Variants in SRBD1 observed in about 807,000 individuals in gnomAD.
SRBD1 encodes the protein S1 RNA-binding domain-containing protein 1.
Under a neutral mutation model 115.3 loss-of-function variants are expected in SRBD1, and 88 were observed. The observed-to-expected ratio is 0.76, with a 90% CI of 0.64 to 0.91. The LOEUF is 0.91. SRBD1 is among the 40% of genes least tolerant of loss of function. The pLI is 0.00. For missense variants in SRBD1, 1,385 were observed against 1,177.4 expected (o/e 1.18, Z -2.58); for synonymous variants, 509 against 407.7 (o/e 1.25, Z -2.99).
chr2:45,423,591 T>C (rs751890204), intron 16 of SRBD1, among the ~76,000 whole-genome samples: 2 of 152,040 alleles, frequency 1.3e-5, no homozygotes, highest in African/African-American at 2.4e-5. Flanking sequence ...TTCAGAACCA[T>C]ACAGTTTCAT....
At chr2:45,585,478 T>C in intron 5 of SRBD1, 130 bp downstream of exon 5, 1 of 978,430 alleles carries the variant, frequency 1.0e-6, no homozygotes, top group Non-Finnish European at 1.5e-6. Flanking sequence ...TAAAGAGGAC[T>C]ATATCCAGAT....
intron 16 of SRBD1, among the ~76,000 whole-genome samples, chr2:45,442,624 G>T (rs1005125675): frequency 6.6e-6 from 1 of 152,214 alleles, no homozygotes; most frequent in African/African-American, 2.4e-5. Flanking sequence ...GGTCCTTAAA[G>T]AAACAGCTAT....
chr2:45,467,234 A>G (rs1488095845), intron 16 of SRBD1, among the ~76,000 whole-genome samples: 3 of 152,218 alleles, frequency 2.0e-5, no homozygotes, highest in East Asian at 3.8e-4. Flanking sequence ...TTTGAATTAC[A>G]TGTGAATTTT....
intron 16 of SRBD1, among the ~76,000 whole-genome samples, chr2:45,420,900 C>T (rs948955286): frequency 2.6e-5 from 4 of 152,130 alleles, no homozygotes; most frequent in South Asian, 2.1e-4. Context: ...TTCTAGGGTA[C>T]ATGTGCACAA....
At chr2:45,552,196 G>A (rs1232840611) in intron 11 of SRBD1, among the ~76,000 whole-genome samples, 1 of 152,154 alleles carries the variant, frequency 6.6e-6, no homozygotes, top group African/African-American at 2.4e-5. Flanking sequence ...TTAAGTGACT[G>A]CAAAATAAAA....
chr2:45,479,259 A>G (rs1470572465), intron 15 of SRBD1, among the ~76,000 whole-genome samples: 1 of 152,182 alleles, frequency 6.6e-6, no homozygotes, highest in African/African-American at 2.4e-5. Flanking sequence ...TTCAAGTAAA[A>G]GGAAGAGTCG....
Position 45,607,348 on chromosome 2 carries a change from A to G in SRBD1, c.1-1907T>C, listed in dbSNP as rs576979377. 2.2e-3 allele frequency among the ~76,000 whole-genome samples: 332 copies of G among 152,302 alleles called. 3 individuals are homozygous for G. Among genetic ancestry groups the G allele is most frequent in the Non-Finnish European group, 3.2e-3 (217 of 68,036 alleles). On this transcript the variant is annotated intron_variant, in intron 1 of 20. Transcript: ENST00000263736. ...CAACTAGCTATTCCTCTAGAAGAAA[A>G]AAAGGAGTTTAATTCCTACCTCCAC...
intron 14 of SRBD1, among the ~76,000 whole-genome samples, chr2:45,516,739 T>C (rs1339387868): frequency 6.6e-6 from 1 of 152,166 alleles, no homozygotes; most frequent in Non-Finnish European, 1.5e-5. Flanking sequence ...TATTGCTTTT[T>C]AAAAAAAGCT....
At chr2:45,548,056 T>G (rs1173355243) in intron 12 of SRBD1, among the ~76,000 whole-genome samples, 1 of 151,678 alleles carries the variant, frequency 6.6e-6, no homozygotes, top group Non-Finnish European at 1.5e-5. Context: ...AAAAATATTT[T>G]TTATTGAAAA....
At chr2:45,480,988 A>G (rs189513336) in intron 15 of SRBD1, among the ~76,000 whole-genome samples, 80 of 152,316 alleles carry the variant, frequency 5.3e-4, no homozygotes, top group Admixed American at 5.2e-3. Flanking sequence ...AGAAACTGCC[A>G]CCACATCTCA....
intron 16 of SRBD1, among the ~76,000 whole-genome samples, chr2:45,431,878 C>T (rs1668348739): frequency 6.6e-6 from 1 of 152,158 alleles, no homozygotes; most frequent in Non-Finnish European, 1.5e-5. Flanking sequence ...GTTTTAAAAA[C>T]TCTTCTAGCA....
chr2:45,479,658 T>C (rs556460295), intron 15 of SRBD1, among the ~76,000 whole-genome samples: 1 of 152,262 alleles, frequency 6.6e-6, no homozygotes, highest in East Asian at 1.9e-4. Flanking sequence ...CTTCCTAACA[T>C]AAAAGTACAA....
intron 16 of SRBD1, among the ~76,000 whole-genome samples, chr2:45,433,375 G>C (rs1050315667): frequency 2.6e-5 from 4 of 151,958 alleles, no homozygotes; most frequent in African/African-American, 9.7e-5. Flanking sequence ...ACGTCATGCT[G>C]TATGTGACAA....
chr2:45,600,920 TG>T (rs1674072036), intron 3 of SRBD1, among the ~76,000 whole-genome samples: 1 of 152,172 alleles, frequency 6.6e-6, no homozygotes, highest in Non-Finnish European at 1.5e-5. Flanking sequence ...TCCACCTGAA[TG>T]CCAACCTGCC....
intron 16 of SRBD1, among the ~76,000 whole-genome samples, chr2:45,432,392 A>G (rs1037574295): frequency 6.6e-6 from 1 of 152,210 alleles, no homozygotes; most frequent in Non-Finnish European, 1.5e-5. Flanking sequence ...ACAAAATCCC[A>G]TACTGTTTCC....
At chr2:45,598,442 G>A (rs1001660524) in intron 4 of SRBD1, among the ~76,000 whole-genome samples, 1 of 151,894 alleles carries the variant, frequency 6.6e-6, no homozygotes, top group South Asian at 2.1e-4. Flanking sequence ...GTGAAACCCT[G>A]TCTCTACTAA....
At chr2:45,584,962 C>CCAA (rs1206880205) in intron 5 of SRBD1, among the ~76,000 whole-genome samples, 1 of 152,080 alleles carries the variant, frequency 6.6e-6, no homozygotes, top group African/African-American at 2.4e-5. Flanking sequence ...ATCAGCCTGG[C>CCAA]CAACATGGCA....
intron 14 of SRBD1, among the ~76,000 whole-genome samples, chr2:45,506,685 A>C (rs1328384755): frequency 6.6e-6 from 1 of 152,228 alleles, no homozygotes; most frequent in Non-Finnish European, 1.5e-5. Context: ...TCTTCTTCTA[A>C]GACCAATTAA....
chr2:45,444,206 G>C (rs1668753536), intron 16 of SRBD1, among the ~76,000 whole-genome samples: 1 of 152,046 alleles, frequency 6.6e-6, no homozygotes. Context: ...AGGAGCTTGA[G>C]ACCAGCCTGG....
Sources: allele counts gnomAD v4.1 joint callset (sites outside exome capture counted in the v4.1 genomes callset), GRCh38; gene constraint gnomAD v4.1.1; transcripts MANE v1.5; gene names NCBI Gene and HGNC (gene_info 2026-07-23, HGNC 2026-07-21).